The following AFF2 variants were observed in gnomAD, a reference collection of about 807,000 sequenced individuals.
The protein encoded by AFF2 is ALF transcription elongation factor 2.
Under a neutral mutation model 76.9 loss-of-function variants are expected in AFF2, and 14 were observed. The observed-to-expected ratio is 0.18, with a 90% confidence interval of 0.12 to 0.28. AFF2 has a LOEUF of 0.28. AFF2 is among the 10% of genes least tolerant of loss of function. The pLI, the probability that AFF2 is intolerant of heterozygous loss-of-function variation, is 1.00. For missense variants in AFF2, 868 were observed against 1,001.1 expected (o/e 0.87, Z 1.79); for synonymous variants, 398 against 366.7 (o/e 1.09, Z -0.98).
intron 4 of AFF2, among the ~76,000 whole-genome samples, chrX:148,826,110 A>T (rs1221170856): frequency 9.2e-6 from 1 of 108,743 alleles, no homozygotes. Flanking sequence ...GCCAGGAGTA[A>T]ACGTATTGAT....
chrX:148,573,609 C>T (rs2053254117), intron 1 of AFF2, among the ~76,000 whole-genome samples: 1 of 110,154 alleles, frequency 9.1e-6, no homozygotes, highest in Non-Finnish European at 1.9e-5. Context: ...AAGAAAAAAA[C>T]ATGTGGAGGA....
At chrX:148,669,485 A>G (rs1453698740) in intron 3 of AFF2, among the ~76,000 whole-genome samples, 2 of 112,156 alleles carry the variant, frequency 1.8e-5, no homozygotes, top group African/African-American at 6.5e-5. Flanking sequence ...TTACAGTTCC[A>G]TGTGGCTGGG....
intron 9 of AFF2, among the ~76,000 whole-genome samples, chrX:148,941,852 T>TAACCAGTA (rs782608257): frequency 9.0e-6 from 1 of 111,585 alleles, no homozygotes. Context: ...CTTCTGTTGA[T>TAACCAGTA]ACACATTTCA....
intron 1 of AFF2, among the ~76,000 whole-genome samples, chrX:148,571,410 C>T (rs1483653060): frequency 7.2e-5 from 8 of 111,500 alleles, no homozygotes; most frequent in Non-Finnish European, 7.5e-5. Flanking sequence ...CTGCACCACC[C>T]GCTACCCCCA....
chrX:148,513,094 G>A (rs782260473), intron 1 of AFF2, among the ~76,000 whole-genome samples: 4 of 112,082 alleles, frequency 3.6e-5, no homozygotes, highest in Non-Finnish European at 5.6e-5. Context: ...ATTGCTGAAC[G>A]ATTTTATTTC....
At chrX:148,574,985 T>TGTGTGTGA (rs1557243212) in intron 1 of AFF2, among the ~76,000 whole-genome samples, 6 of 86,277 alleles carry the variant, frequency 7.0e-5, no homozygotes, top group African/African-American at 2.6e-4. Context: ...TGTGTGTGTG[T>TGTGTGTGA]GAGAGAGAGA....
intron 1 of AFF2, among the ~76,000 whole-genome samples, chrX:148,563,730 G>A (rs914650709): frequency 1.8e-5 from 2 of 112,110 alleles, no homozygotes; most frequent in Non-Finnish European, 3.8e-5. Flanking sequence ...TACTCAAATG[G>A]TTGTCTTTTA....
chrX:148,988,567 G>T (rs1438546036), intron 20 of AFF2, among the ~76,000 whole-genome samples: 1 of 111,778 alleles, frequency 8.9e-6, no homozygotes, highest in Non-Finnish European at 1.9e-5. Flanking sequence ...GATAGAGATG[G>T]GTTGAATTAA....
chrX:148,718,022 G>GTTTT (rs3067311), intron 3 of AFF2, among the ~76,000 whole-genome samples: 1 of 100,321 alleles, frequency 1.0e-5, no homozygotes, highest in African/African-American at 3.6e-5. Flanking sequence ...TTTCCCCTTA[G>GTTTT]TTTTTTTTTT....
chrX:148,890,705 TG>T (rs2071213313), intron 8 of AFF2, among the ~76,000 whole-genome samples: 1 of 112,010 alleles, frequency 8.9e-6, no homozygotes, highest in African/African-American at 3.2e-5. Flanking sequence ...AGGATTGGCG[TG>T]GGTGGAGAGT....
intron 1 of AFF2, among the ~76,000 whole-genome samples, chrX:148,629,101 T>TTG (rs58772444): frequency 0.061 from 6,221 of 102,765 alleles, 340 homozygotes; most frequent in African/African-American, 0.16. Flanking sequence ...TGACAAGAGT[T>TTG]TGTGTGTGTG....
At chrX:148,596,262 C>T (rs1428019661) in intron 1 of AFF2, among the ~76,000 whole-genome samples, 1 of 111,716 alleles carries the variant, frequency 9.0e-6, no homozygotes, top group African/African-American at 3.3e-5. Flanking sequence ...AGCAAAGCCT[C>T]CATCAAACTT....
intron 1 of AFF2, among the ~76,000 whole-genome samples, chrX:148,613,669 C>T (rs1192230793): frequency 2.7e-5 from 3 of 111,362 alleles, no homozygotes; most frequent in Non-Finnish European, 5.7e-5. Flanking sequence ...CCATCACATG[C>T]CCTCATGAGC....
chrX:148,771,885 G>A (rs1191897682), intron 3 of AFF2, among the ~76,000 whole-genome samples: 1 of 111,697 alleles, frequency 9.0e-6, no homozygotes, highest in African/African-American at 3.2e-5. Context: ...TCTGTGACGT[G>A]TATATATGCA....
At chrX:148,527,341 T>C (rs1398184611) in intron 1 of AFF2, among the ~76,000 whole-genome samples, 1 of 112,012 alleles carries the variant, frequency 8.9e-6, no homozygotes. Context: ...TAGTGAAAAA[T>C]AGAACTGGAG....
intron 3 of AFF2, among the ~76,000 whole-genome samples, chrX:148,700,310 G>A (rs781798600): frequency 2.1e-3 from 230 of 111,150 alleles, no homozygotes; most frequent in South Asian, 4.9e-3. Context: ...CCCAGGGCAG[G>A]CTCTCGTTCT....
At position 148,900,443 on chromosome X, in the gene AFF2, T is replaced by G. The variant is rs782698314; in HGVS notation, c.1360-3778T>G. Reference sequence around the variant, plus strand: ...AGCCTGTCTGTAGCCACATCATCCCTCCAAAGGAAATAAATGTGCTGATAA... The same window carrying G: ...AGCCTGTCTGTAGCCACATCATCCCGCCAAAGGAAATAAATGTGCTGATAA... On this transcript the variant is annotated intron_variant, in intron 8 of 20. Transcript: ENST00000370460. Among the ~76,000 whole-genome samples, 4 of 111,658 alleles carry G rather than the reference T, an allele frequency of 3.6e-5. No homozygotes were observed. In the South Asian group the frequency reaches 1.5e-3, roughly 42 times the overall value.
At chrX:148,918,675 G>C (rs1388603788) in intron 9 of AFF2, among the ~76,000 whole-genome samples, 1 of 111,808 alleles carries the variant, frequency 8.9e-6, no homozygotes, top group Non-Finnish European at 1.9e-5. Flanking sequence ...CCTCCAGGAG[G>C]AAGGAAAGGG....
At position 148,792,628 on chromosome X, in the gene AFF2, T is replaced by C. The variant is rs186733759; in HGVS notation, c.1042-17248T>C. On this transcript the variant is annotated intron_variant, in intron 3 of 20. Coordinates refer to ENST00000370460, the MANE Select transcript of AFF2 (RefSeq NM_002025.4). Reference sequence around the variant, plus strand: ...GTAAAATGGCAGTGCTAAGAGGGTCTTTATATAGAATTCTGTGTGCCCTGG... The same window carrying C: ...GTAAAATGGCAGTGCTAAGAGGGTCCTTATATAGAATTCTGTGTGCCCTGG... 1.6e-3 allele frequency among the ~76,000 whole-genome samples: 183 copies of C among 112,269 alleles called. 1 individual carries two copies. The highest frequency in any genetic ancestry group is 3.8e-4 in the Non-Finnish European group (20 of 53,260).
Sources: allele counts gnomAD v4.1 joint callset (sites outside exome capture counted in the v4.1 genomes callset), GRCh38; gene constraint gnomAD v4.1.1; transcripts MANE v1.5; gene names NCBI Gene and HGNC (gene_info 2026-07-23, HGNC 2026-07-21).